COL13A1: variants seen among roughly 807,000 people sequenced by gnomAD.
COL13A1 encodes the protein collagen type XIII alpha 1 chain, also known as collagen alpha-1(XIII) chain.
A neutral mutation model predicts 130.9 loss-of-function variants in COL13A1; 89 were observed. That is an observed-to-expected ratio of 0.68 (90% CI 0.57 to 0.81). The LOEUF is 0.81. COL13A1 is among the 30% of genes least tolerant of loss of function. The pLI is 0.00. For missense variants in COL13A1, 879 were observed against 934.6 expected, an observed-to-expected ratio of 0.94 and a Z score of 0.78; for synonymous variants, 402 against 341.6, an observed-to-expected ratio of 1.18 and a Z score of -1.95.
chr10:69,803,004 G>A (rs1840472734), intron 1 of COL13A1, among the ~76,000 whole-genome samples: 2 of 152,184 alleles, frequency 1.3e-5, no homozygotes, highest in South Asian at 2.1e-4. Context: ...AAGGCTGGGC[G>A]CGCGGAGGCT....
intron 40 of COL13A1, among the ~76,000 whole-genome samples, chr10:69,957,747 A>G (rs1248550278): frequency 6.6e-6 from 1 of 152,152 alleles, no homozygotes; most frequent in African/African-American, 2.4e-5. Flanking sequence ...TAACTAATCC[A>G]GAAGACCCGC....
chr10:69,956,729 G>T, intron 39 of COL13A1: 1 of 395,530 alleles, frequency 2.5e-6, no homozygotes, highest in Non-Finnish European at 4.8e-6. Context: ...TGGCACGGAA[G>T]GACATCTCTG....
Position 69,922,711 on chromosome 10 carries a change from G to T in COL13A1, c.1147G>T (p.Glu383Ter). Residue 383 changes from glutamate (E) to a stop codon, truncating the protein, a stop_gained, in exon 23 of 41, where the codon GAG becomes TAG. Coordinates refer to ENST00000645393, the MANE Select transcript of COL13A1 (RefSeq NM_001368882.1). LOFTEE classifies it high-confidence loss of function. ...GLPGLLGQKG[E>*]KGDAGNSIGG... is the part of the protein sequence containing the mutation. Reference sequence around the variant, plus strand: ...TAACTCCACCTTCCACCCCCAGGGAGAGAAAGGCGATGCTGGCAACTCCAT... The same window carrying T: ...TAACTCCACCTTCCACCCCCAGGGATAGAAAGGCGATGCTGGCAACTCCAT... 6.2e-7 allele frequency: 1 copy of T among 1,604,682 alleles called. No homozygotes were observed. The highest frequency in any genetic ancestry group is 1.1e-5 in the South Asian group (1 of 88,546).
At chr10:69,829,374 C>A in intron 2 of COL13A1, 1 of 615,622 alleles carries the variant, frequency 1.6e-6, no homozygotes, top group Non-Finnish European at 2.0e-6. Context: ...AAATCCCTAA[C>A]ACAGCTTGTT....
intron 22 of COL13A1, 78 bp downstream of exon 22, chr10:69,922,013 C>T (rs2064752459): frequency 8.1e-6 from 12 of 1,482,702 alleles, no homozygotes; most frequent in Non-Finnish European, 9.1e-6. Flanking sequence ...TCCACACAGG[C>T]CCCAGCATTG....
chr10:69,803,875 G>C (rs939065526), intron 1 of COL13A1, among the ~76,000 whole-genome samples: 1 of 152,206 alleles, frequency 6.6e-6, no homozygotes, highest in African/African-American at 2.4e-5. Flanking sequence ...GGGGTGCTGT[G>C]AGCATTTTGG....
Position 69,870,832 on chromosome 10 carries a change from T to C in COL13A1, c.373-1352T>C, listed in dbSNP as rs369758341. 1.7e-3 allele frequency among the ~76,000 whole-genome samples: 251 copies of C among 151,706 alleles called. 2 individuals carry two copies. The highest frequency in any genetic ancestry group is 6.0e-3 in the African/African-American group (248 of 41,338). On this transcript the variant is annotated intron_variant, in intron 3 of 40. Transcript: ENST00000645393. Reference sequence around the variant, plus strand: ...ACACACTTGGCTCTGAGCTTCTCGGTGGTCAGAGCAAAGAGGAAAACAGAG... The same window carrying C: ...ACACACTTGGCTCTGAGCTTCTCGGCGGTCAGAGCAAAGAGGAAAACAGAG...
chr10:69,886,303 T>C (rs965565029), intron 7 of COL13A1, among the ~76,000 whole-genome samples: 1 of 152,254 alleles, frequency 6.6e-6, no homozygotes, highest in African/African-American at 2.4e-5. Context: ...GAGGTTATAC[T>C]GTTACCTCTA....
intron 27 of COL13A1, 119 bp from the exon 28 acceptor site, chr10:69,928,818 T>C (rs551052800): frequency 1.2e-5 from 8 of 643,782 alleles, no homozygotes; most frequent in East Asian, 1.2e-4. Context: ...TCTCTATCAC[T>C]GGAGAAAGGT....
intron 2 of COL13A1, among the ~76,000 whole-genome samples, chr10:69,831,195 T>C (rs10998989): frequency 2.0e-5 from 3 of 152,332 alleles, no homozygotes; most frequent in East Asian, 3.9e-4. Context: ...CCAGCAAGGA[T>C]GTATCATTGC....
intron 1 of COL13A1, among the ~76,000 whole-genome samples, chr10:69,811,053 A>G (rs1842911837): frequency 6.6e-6 from 1 of 152,174 alleles, no homozygotes. Flanking sequence ...GAAACCCCAC[A>G]TGGCTGGGGC....
At chr10:69,843,425 T>C (rs1040233490) in intron 2 of COL13A1, among the ~76,000 whole-genome samples, 8 of 152,152 alleles carry the variant, frequency 5.3e-5, no homozygotes, top group Non-Finnish European at 1.2e-4. Flanking sequence ...CACTGCGGTG[T>C]CCATTATGAC....
At chr10:69,862,846 A>G (rs1858570108) in intron 2 of COL13A1, among the ~76,000 whole-genome samples, 1 of 152,200 alleles carries the variant, frequency 6.6e-6, no homozygotes, top group Non-Finnish European at 1.5e-5. Flanking sequence ...TCACTGGGTC[A>G]TTGGGCAGAC....
chr10:69,902,807 A>G lies in COL13A1; in HGVS notation c.810A>G (p.Pro270=). ...CAGGGCCCCCAGGCCCCCCTGGACC[A>G]AGTGGACCTCTGGGGCACCCAGGAC... The part of the protein sequence containing the change: ...GPPGPPGPPG[P]SGPLGHPGLP... Residue 270 remains proline, a synonymous_variant, in exon 15 of 41, where the codon CCA becomes CCG. Transcript: ENST00000645393. 1 of 1,551,780 alleles carries G rather than the reference A, an allele frequency of 6.4e-7. No individual in the cohort carries two copies. Among genetic ancestry groups the G allele is most frequent in the Non-Finnish European group, 8.7e-7 (1 of 1,147,014 alleles).
intron 2 of COL13A1, among the ~76,000 whole-genome samples, chr10:69,867,179 G>C (rs370477700): frequency 3.2e-4 from 48 of 152,330 alleles, no homozygotes; most frequent in African/African-American, 1.0e-3. Context: ...AACAGAGAGA[G>C]GCATGGAGGA....
Position 69,889,450 on chromosome 10 carries a change from C to T in COL13A1, c.603+10C>T. Reference sequence around the variant, plus strand: ...ACCAAAGGGCGACATGGTAAGAGCCCAGCTTTCCTGCCTTCCCGAGATGGG... The same window carrying T: ...ACCAAAGGGCGACATGGTAAGAGCCTAGCTTTCCTGCCTTCCCGAGATGGG... On this transcript the variant is annotated intron_variant, in intron 10 of 40. Transcript: ENST00000645393. The T allele has an allele frequency of 6.2e-7, 1 of 1,610,984 alleles. No individual in the cohort carries two copies. Among genetic ancestry groups the T allele is most frequent in the Non-Finnish European group, 8.5e-7 (1 of 1,178,810 alleles).
chr10:69,871,238 G>A (rs142124271), intron 3 of COL13A1, among the ~76,000 whole-genome samples: 1 of 152,238 alleles, frequency 6.6e-6, no homozygotes, highest in East Asian at 1.9e-4. Flanking sequence ...CCTTGTGGGG[G>A]CCTGGGAAAG....
intron 7 of COL13A1, among the ~76,000 whole-genome samples, chr10:69,882,047 C>A (rs1284763876): frequency 6.6e-6 from 1 of 152,208 alleles, no homozygotes; most frequent in African/African-American, 2.4e-5. Context: ...CTTCAAGCCT[C>A]CTGTGTCCTG....
At chr10:69,917,183 G>A (rs1041510113) in intron 17 of COL13A1, 106 bp from the exon 18 acceptor site, 75 of 1,407,212 alleles carry the variant, frequency 5.3e-5, no homozygotes, top group African/African-American at 9.9e-5. Flanking sequence ...AACATGAACC[G>A]GACAGCCATC....
Sources: allele counts gnomAD v4.1 joint callset (sites outside exome capture counted in the v4.1 genomes callset), GRCh38; gene constraint gnomAD v4.1.1; transcripts MANE v1.5; gene names NCBI Gene and HGNC (gene_info 2026-07-23, HGNC 2026-07-21).